The following OR11A1 variants were observed in gnomAD, a reference collection of about 807,000 sequenced individuals.
OR11A1 encodes the protein olfactory receptor 11A1.
For missense variants in OR11A1, 380 were observed against 378.2 expected, an observed-to-expected ratio of 1.00 and a Z score of -0.04; for synonymous variants, 158 against 152.2, an observed-to-expected ratio of 1.04 and a Z score of -0.28.
chr6:29,430,758 G>T (rs963224089), intron 2 of OR11A1, among the ~76,000 whole-genome samples: 22 of 151,976 alleles, frequency 1.4e-4, no homozygotes, highest in African/African-American at 3.4e-4. Context: ...AGACTCAATC[G>T]CTACACAATA....
At chr6:29,427,921 A>G (rs1372582917) in intron 4 of OR11A1, among the ~76,000 whole-genome samples, 189 bp from the exon 5 acceptor site, 1 of 152,182 alleles carries the variant, frequency 6.6e-6, no homozygotes, top group African/African-American at 2.4e-5. Context: ...TTAGTCTTTC[A>G]AAGACCTTTA....
rs1480446830 is a variant in OR11A1 at position 29,425,858 on chromosome 6, A to G, written c.*836T>C. 6.6e-6 allele frequency: 1 copy of G among 152,238 alleles called. No individual in the cohort carries two copies. The highest frequency in any genetic ancestry group is 2.4e-5 in the African/African-American group (1 of 41,466). 9.4% of individuals were successfully genotyped at this position (152,238 alleles called of 1,614,324 possible). A position where few individuals can be genotyped will look rare whatever the true frequency, so the allele number is the denominator to read the frequency against. Reference sequence around the variant, plus strand: ...TAGATCTTGCAATTTAGGTGCTAAAAGTTTATTACAGGAAAATCCAGATGT... The same window carrying G: ...TAGATCTTGCAATTTAGGTGCTAAAGGTTTATTACAGGAAAATCCAGATGT... On this transcript the variant is annotated 3_prime_UTR_variant, in exon 5 of 5. Transcript: ENST00000377149.
intron 1 of OR11A1, chr6:29,440,751 A>C (rs2074464): frequency 1.9e-6 from 3 of 1,613,840 alleles, no homozygotes; most frequent in Non-Finnish European, 2.5e-6. Flanking sequence ...CCACCTGATC[A>C]TGGTCTCCCT....
intron 1 of OR11A1, among the ~76,000 whole-genome samples, chr6:29,433,563 T>C (rs1163659298): frequency 1.3e-5 from 2 of 152,192 alleles, no homozygotes; most frequent in Non-Finnish European, 2.9e-5. Flanking sequence ...TACCACATTT[T>C]CTCTATCCAT....
At chr6:29,440,165 T>A in intron 1 of OR11A1, 2 of 1,613,686 alleles carry the variant, frequency 1.2e-6, no homozygotes, top group Non-Finnish European at 1.7e-6. Flanking sequence ...TGGTCTCCAC[T>A]GATGCTGCCC....
chr6:29,446,926 A>G lies in OR11A1; in HGVS notation c.-389+10061T>C, dbSNP rs578088369. ...TCTTCAGAAAGCCAAATAATAGGTC[A>G]AAAGGTGGTTTAGAACCCAAGCAGC... On this transcript the variant is annotated intron_variant, in intron 1 of 4. Coordinates refer to ENST00000377149, the MANE Select transcript of OR11A1 (RefSeq NM_001394828.1). 2.0e-5 allele frequency among the ~76,000 whole-genome samples: 3 copies of G among 152,354 alleles called. No individual in the cohort carries two copies. The East Asian group carries it at 5.8e-4, about 29-fold the overall frequency.
chr6:29,445,968 G>A (rs746326465), intron 1 of OR11A1, among the ~76,000 whole-genome samples: 13 of 151,968 alleles, frequency 8.6e-5, no homozygotes, highest in Non-Finnish European at 1.5e-4. Context: ...GTCTCCCAGG[G>A]ACATAAGGAG....
intron 1 of OR11A1, among the ~76,000 whole-genome samples, chr6:29,447,196 G>T (rs1483946229): frequency 6.6e-6 from 1 of 152,142 alleles, no homozygotes; most frequent in Non-Finnish European, 1.5e-5. Context: ...TTGCATAAAA[G>T]AATACAAATG....
At chr6:29,434,252 G>A (rs1167040087) in intron 1 of OR11A1, among the ~76,000 whole-genome samples, 3 of 152,024 alleles carry the variant, frequency 2.0e-5, no homozygotes, top group Non-Finnish European at 4.4e-5. Flanking sequence ...CCAACGTCAT[G>A]GAACTTTTCT....
intron 1 of OR11A1, among the ~76,000 whole-genome samples, chr6:29,441,639 T>G (rs1166015391): frequency 6.6e-6 from 1 of 152,222 alleles, no homozygotes; most frequent in Non-Finnish European, 1.5e-5. Context: ...TGTGCAGGTT[T>G]GTTATATAGG....
intron 1 of OR11A1, among the ~76,000 whole-genome samples, chr6:29,435,579 A>G (rs1445689593): frequency 1.3e-5 from 2 of 152,204 alleles, no homozygotes; most frequent in Non-Finnish European, 2.9e-5. Flanking sequence ...TAGAAACTTT[A>G]ATAACAGTAC....
intron 1 of OR11A1, among the ~76,000 whole-genome samples, chr6:29,454,424 C>T (rs1244436162): frequency 1.3e-5 from 2 of 152,182 alleles, no homozygotes; most frequent in East Asian, 1.9e-4. Context: ...AAACACAATA[C>T]TTACAAGTCT....
At chr6:29,441,725 C>G (rs1784210838) in intron 1 of OR11A1, among the ~76,000 whole-genome samples, 1 of 152,170 alleles carries the variant, frequency 6.6e-6, no homozygotes, top group Non-Finnish European at 1.5e-5. Flanking sequence ...TATTGATCCT[C>G]ACCCTTCTTC....
chr6:29,443,242 G>A (rs115044731), intron 1 of OR11A1, among the ~76,000 whole-genome samples: 1,936 of 152,118 alleles, frequency 0.013, 29 homozygotes, highest in East Asian at 0.039. Flanking sequence ...TCCAGCCCCC[G>A]TGCTCCCTCA....
chr6:29,454,183 T>G (rs1223090742), intron 1 of OR11A1, among the ~76,000 whole-genome samples: 1 of 152,146 alleles, frequency 6.6e-6, no homozygotes, highest in Non-Finnish European at 1.5e-5. Context: ...TAATGGAAAC[T>G]GACTGTAAGT....
intron 1 of OR11A1, chr6:29,440,632 T>A (rs1784071328): frequency 3.1e-6 from 5 of 1,613,948 alleles, no homozygotes; most frequent in Non-Finnish European, 4.2e-6. Flanking sequence ...GCCCTCCTCA[T>A]CCTCTGCCCC....
At chr6:29,431,829 C>A in intron 2 of OR11A1, 35 bp downstream of exon 2, 1 of 983,656 alleles carries the variant, frequency 1.0e-6, no homozygotes, top group Non-Finnish European at 1.2e-6. Context: ...AATCTGTGAA[C>A]TAAGCTGTAA....
At chr6:29,445,284 C>A (rs751518096) in intron 1 of OR11A1, among the ~76,000 whole-genome samples, 1 of 152,188 alleles carries the variant, frequency 6.6e-6, no homozygotes, top group Non-Finnish European at 1.5e-5. Context: ...GGATTACAGG[C>A]GTGAGCCACT....
At chr6:29,443,775 ACT>A (rs1784439709) in intron 1 of OR11A1, among the ~76,000 whole-genome samples, 1 of 152,110 alleles carries the variant, frequency 6.6e-6, no homozygotes, top group Non-Finnish European at 1.5e-5. Context: ...TGAATTTGTA[ACT>A]CATCTCCAGG....
Sources: gnomAD v4.1 joint callset for allele counts (sites outside exome capture counted in the v4.1 genomes callset) on GRCh38, gnomAD v4.1.1 for gene constraint, MANE v1.5 for transcripts, NCBI Gene and HGNC (gene_info 2026-07-23, HGNC 2026-07-21) for gene names.